SGMS1: variants seen among roughly 807,000 people sequenced by gnomAD.
The protein encoded by SGMS1 is phosphatidylcholine:ceramide cholinephosphotransferase 1.
A neutral mutation model predicts 46.2 loss-of-function variants in SGMS1; 13 were observed. That is an observed-to-expected ratio of 0.28 (90% CI 0.18 to 0.45). The LOEUF is 0.45. Among genes scored for constraint, SGMS1 ranks in the 20% least tolerant of loss-of-function variants. SGMS1 has a pLI of 1.00. For missense variants in SGMS1, 324 were observed against 519.9 expected, an observed-to-expected ratio of 0.62 and a Z score of 3.66; for synonymous variants, 203 against 187.8, an observed-to-expected ratio of 1.08 and a Z score of -0.66.
chr10:50,535,114 C>T (rs1222188596), intron 2 of SGMS1, among the ~76,000 whole-genome samples: 1 of 151,924 alleles, frequency 6.6e-6, no homozygotes, highest in East Asian at 2.0e-4. Context: ...TGCCTGTAGT[C>T]CCAGCTACTC....
chr10:50,399,846 G>T (rs569343485), intron 6 of SGMS1, among the ~76,000 whole-genome samples: 8 of 152,068 alleles, frequency 5.3e-5, no homozygotes, highest in African/African-American at 1.9e-4. Flanking sequence ...GGCTAACACG[G>T]TGAAACCCTG....
At chr10:50,555,463 A>G (rs1257507950) in intron 2 of SGMS1, among the ~76,000 whole-genome samples, 3 of 152,218 alleles carry the variant, frequency 2.0e-5, no homozygotes. Context: ...GCCAGCCAGA[A>G]GATTCCAATT....
chr10:50,449,799 T>C (rs1429151468), intron 5 of SGMS1, among the ~76,000 whole-genome samples: 1 of 150,226 alleles, frequency 6.7e-6, no homozygotes. Flanking sequence ...CTTATTCATC[T>C]AGTTTGTCAT....
At chr10:50,370,632 TCAGGAGTCTGAGG>T (rs1848420557) in intron 6 of SGMS1, among the ~76,000 whole-genome samples, 1 of 151,588 alleles carries the variant, frequency 6.6e-6, no homozygotes, top group East Asian at 1.9e-4. Flanking sequence ...TCCCAGCTAC[TCAGGAGTCTGAGG>T]CAGGAGAATC....
At chr10:50,432,476 T>C (rs186767343) in intron 6 of SGMS1, among the ~76,000 whole-genome samples, 1 of 152,252 alleles carries the variant, frequency 6.6e-6, no homozygotes, top group Non-Finnish European at 1.5e-5. Context: ...GCCACAGCAG[T>C]GGTACTTACA....
At chr10:50,369,029 C>A (rs547645257) in intron 6 of SGMS1, among the ~76,000 whole-genome samples, 19 of 152,246 alleles carry the variant, frequency 1.2e-4, no homozygotes, top group Admixed American at 1.2e-3. Context: ...TAACATCAAA[C>A]ATATGAACCA....
At chr10:50,449,769 C>T (rs553506528) in intron 5 of SGMS1, among the ~76,000 whole-genome samples, 7 of 152,156 alleles carry the variant, frequency 4.6e-5, no homozygotes, top group African/African-American at 1.4e-4. Context: ...CTGATCACCA[C>T]TTAGCATACA....
chr10:50,385,487 A>G (rs1287474448), intron 6 of SGMS1, among the ~76,000 whole-genome samples: 1 of 152,196 alleles, frequency 6.6e-6, no homozygotes, highest in East Asian at 1.9e-4. Flanking sequence ...AAAGTTACAA[A>G]GTTTTAATCA....
chr10:50,371,260 T>C (rs1848431910), intron 6 of SGMS1, among the ~76,000 whole-genome samples: 1 of 152,202 alleles, frequency 6.6e-6, no homozygotes, highest in Admixed American at 6.5e-5. Context: ...GACCAAAATG[T>C]CGTTATGCCA....
intron 6 of SGMS1, among the ~76,000 whole-genome samples, chr10:50,397,031 C>G (rs1465608650): frequency 6.6e-6 from 1 of 151,858 alleles, no homozygotes; most frequent in Non-Finnish European, 1.5e-5. Context: ...CAAATTTACT[C>G]AAAATTAATG....
intron 2 of SGMS1, among the ~76,000 whole-genome samples, chr10:50,534,708 G>A (rs1837984541): frequency 6.6e-6 from 1 of 152,166 alleles, no homozygotes; most frequent in Non-Finnish European, 1.5e-5. Context: ...TATTCATGCA[G>A]AAATGCTTCA....
chr10:50,330,073 A>T (rs1283666007), intron 7 of SGMS1, among the ~76,000 whole-genome samples: 2 of 152,184 alleles, frequency 1.3e-5, no homozygotes, highest in Non-Finnish European at 2.9e-5. Flanking sequence ...GCTTTTTTAT[A>T]TTCCTAATTT....
At chr10:50,443,690 T>C (rs571872869) in intron 5 of SGMS1, among the ~76,000 whole-genome samples, 151 of 152,134 alleles carry the variant, frequency 9.9e-4, no homozygotes, top group African/African-American at 3.6e-3. Flanking sequence ...TGTAAACCCA[T>C]AGAAAGGAAT....
At chr10:50,428,616 C>T (rs879913006) in intron 6 of SGMS1, among the ~76,000 whole-genome samples, 12 of 152,302 alleles carry the variant, frequency 7.9e-5, no homozygotes. Flanking sequence ...ATGCTGTTCT[C>T]ATAATCTTTC....
At chr10:50,541,856 C>T (rs1838055858) in intron 2 of SGMS1, among the ~76,000 whole-genome samples, 1 of 152,124 alleles carries the variant, frequency 6.6e-6, no homozygotes, top group South Asian at 2.1e-4. Context: ...GTTTTCTTTT[C>T]TGTTAAAATA....
chr10:50,435,545 T>G (rs1260388045), intron 5 of SGMS1, among the ~76,000 whole-genome samples: 1 of 152,244 alleles, frequency 6.6e-6, no homozygotes, highest in Non-Finnish European at 1.5e-5. Context: ...GTTGACAGCC[T>G]TTATTAACAT....
intron 6 of SGMS1, among the ~76,000 whole-genome samples, chr10:50,349,087 C>T (rs1013954722): frequency 6.6e-6 from 1 of 152,214 alleles, no homozygotes; most frequent in Admixed American, 6.5e-5. Context: ...AACAAAGGAA[C>T]TCGAATATTG....
At chr10:50,400,443 ATATAT>A in intron 6 of SGMS1, among the ~76,000 whole-genome samples, 1 of 52,644 alleles carries the variant, frequency 1.9e-5, no homozygotes, top group Non-Finnish European at 3.9e-5. Context: ...ATATATATAT[ATATAT>A]ATATAGCTAT....
At chr10:50,478,486 A>C (rs532452563) in intron 3 of SGMS1, among the ~76,000 whole-genome samples, 1 of 152,318 alleles carries the variant, frequency 6.6e-6, no homozygotes, top group Admixed American at 6.5e-5. Context: ...ACTTCTTTAA[A>C]GGACATATTG....
Sources: gnomAD v4.1 joint callset for allele counts (sites outside exome capture counted in the v4.1 genomes callset) on GRCh38, gnomAD v4.1.1 for gene constraint, MANE v1.5 for transcripts, NCBI Gene and HGNC (gene_info 2026-07-23, HGNC 2026-07-21) for gene names.